RIMS1: variants seen among roughly 807,000 people sequenced by gnomAD.
The protein encoded by RIMS1 is regulating synaptic membrane exocytosis protein 1.
Under a neutral mutation model 214.1 loss-of-function variants are expected in RIMS1, and 83 were observed. The ratio of observed to expected loss-of-function variants is 0.39; its 90% CI spans 0.32 to 0.47. The LOEUF is 0.47. RIMS1 is among the 20% of genes least tolerant of loss of function. The probability of loss-of-function intolerance (pLI) is 0.99; values close to 1 mark genes in which losing one functional copy is unlikely to be tolerated. For synonymous variants in RIMS1, 793 were observed against 786.8 expected (o/e 1.01, Z -0.13); for missense variants, 2,050 against 2,161.8 (o/e 0.95, Z 1.03).
intron 28 of RIMS1, among the ~76,000 whole-genome samples, chr6:72,329,276 C>G (rs911495394): frequency 5.3e-5 from 8 of 151,722 alleles, no homozygotes; most frequent in Non-Finnish European, 1.2e-4. Flanking sequence ...AATTAAAACA[C>G]TAATCACCAG....
intron 4 of RIMS1, among the ~76,000 whole-genome samples, chr6:72,115,711 G>A (rs1261621155): frequency 6.6e-6 from 1 of 151,810 alleles, no homozygotes; most frequent in Non-Finnish European, 1.5e-5. Context: ...TCACTCAACT[G>A]TGGGGTTAAT....
At chr6:72,051,216 C>T (rs1312546148) in intron 2 of RIMS1, among the ~76,000 whole-genome samples, 1 of 152,102 alleles carries the variant, frequency 6.6e-6, no homozygotes, top group Non-Finnish European at 1.5e-5. Context: ...AAGAATAGGA[C>T]CCACTTTGAA....
intron 6 of RIMS1, among the ~76,000 whole-genome samples, chr6:72,196,936 G>T (rs567711933): frequency 1.3e-5 from 2 of 151,976 alleles, no homozygotes; most frequent in Admixed American, 1.3e-4. Flanking sequence ...TGTTCATTCA[G>T]TATTTGTTGA....
At chr6:72,012,127 A>G (rs1408949766) in intron 2 of RIMS1, among the ~76,000 whole-genome samples, 1 of 152,252 alleles carries the variant, frequency 6.6e-6, no homozygotes, top group African/African-American at 2.4e-5. Context: ...TGGCACATAT[A>G]CACCATGGAA....
At chr6:72,256,155 A>AGCAAAGAACTTTTTCTTTGTAAAAT (rs2075764020) in intron 16 of RIMS1, among the ~76,000 whole-genome samples, 1 of 152,140 alleles carries the variant, frequency 6.6e-6, no homozygotes, top group Non-Finnish European at 1.5e-5. Flanking sequence ...AAATGTAAAA[A>AGCAAAGAACTTTTTCTTTGTAAAAT]GCAAAGAACT....
chr6:72,009,200 T>C (rs1318525095), intron 2 of RIMS1, among the ~76,000 whole-genome samples: 2 of 152,172 alleles, frequency 1.3e-5, no homozygotes, highest in Non-Finnish European at 2.9e-5. Flanking sequence ...ACATGGAAAC[T>C]GAACAACCTG....
At chr6:72,193,011 T>C (rs751734222) in intron 6 of RIMS1, among the ~76,000 whole-genome samples, 3 of 152,222 alleles carry the variant, frequency 2.0e-5, no homozygotes, top group Non-Finnish European at 4.4e-5. Context: ...CATCACAATA[T>C]GTATATTCTC....
At chr6:72,170,781 C>A (rs1177987886) in intron 4 of RIMS1, among the ~76,000 whole-genome samples, 2 of 151,960 alleles carry the variant, frequency 1.3e-5, no homozygotes, top group Non-Finnish European at 2.9e-5. Flanking sequence ...TTGTGGAAAT[C>A]AAAAATATGT....
rs1317706183 is a variant in RIMS1, at chr6:72,366,623, G to A, written c.4367-23975G>A. 9 of 857,480 alleles carry A rather than the reference G, an allele frequency of 1.0e-5. No homozygotes were observed. In the East Asian group the frequency reaches 7.3e-4, roughly 70 times the overall value. 53.1% of individuals were successfully genotyped at this position (857,480 alleles called of 1,614,324 possible). ...TCTTACAATAAGCTATAGGAAAGAAGCACTCTTGACAGAAGCAATTTAATT... is the reference window on the plus strand; with the variant it reads ...TCTTACAATAAGCTATAGGAAAGAAACACTCTTGACAGAAGCAATTTAATT... On this transcript the variant is annotated intron_variant, in intron 29 of 33. Coordinates refer to ENST00000521978, the MANE Select transcript of RIMS1 (RefSeq NM_014989.7).
At chr6:72,222,320 A>G (rs2058718774) in intron 6 of RIMS1, among the ~76,000 whole-genome samples, 1 of 152,040 alleles carries the variant, frequency 6.6e-6, no homozygotes, top group Non-Finnish European at 1.5e-5. Context: ...AAAGACATTG[A>G]TTTAAGAATC....
At chr6:72,243,237 T>A (rs1177378802) in intron 10 of RIMS1, among the ~76,000 whole-genome samples, 1 of 151,798 alleles carries the variant, frequency 6.6e-6, no homozygotes, top group Non-Finnish European at 1.5e-5. Context: ...AGGCTTTTTA[T>A]GTTGAAAAAA....
intron 29 of RIMS1, among the ~76,000 whole-genome samples, chr6:72,344,763 T>C (rs2097203835): frequency 6.6e-6 from 1 of 151,760 alleles, no homozygotes; most frequent in Non-Finnish European, 1.5e-5. Flanking sequence ...ACTCATCTTC[T>C]AAAGAGATGC....
intron 2 of RIMS1, among the ~76,000 whole-genome samples, chr6:72,018,276 A>T (rs752492685): frequency 3.9e-5 from 6 of 152,224 alleles, no homozygotes; most frequent in Non-Finnish European, 5.9e-5. Context: ...CAGATAAAAT[A>T]TGGAGTGTAA....
intron 2 of RIMS1, among the ~76,000 whole-genome samples, chr6:72,028,435 T>C (rs1295364304): frequency 1.3e-5 from 2 of 152,212 alleles, no homozygotes; most frequent in African/African-American, 4.8e-5. Flanking sequence ...AAATATATTT[T>C]GCAGTGTGAA....
intron 10 of RIMS1, among the ~76,000 whole-genome samples, chr6:72,243,521 A>G (rs932131264): frequency 5.3e-5 from 8 of 151,782 alleles, no homozygotes; most frequent in African/African-American, 1.7e-4. Flanking sequence ...TACATGACAT[A>G]TGTTCTAGTG....
At chr6:72,227,126 A>G (rs2154067198) in intron 6 of RIMS1, among the ~76,000 whole-genome samples, 1 of 152,182 alleles carries the variant, frequency 6.6e-6, no homozygotes, top group South Asian at 2.1e-4. Context: ...TATAAGTGTT[A>G]TATGAATATG....
At chr6:72,244,321 GT>G (rs1161615147) in intron 10 of RIMS1, among the ~76,000 whole-genome samples, 4 of 151,878 alleles carry the variant, frequency 2.6e-5, no homozygotes, top group Non-Finnish European at 4.4e-5. Context: ...TAAACATCCA[GT>G]GGAAATTTAT....
At chr6:72,318,292 C>T (rs568064928) in intron 28 of RIMS1, among the ~76,000 whole-genome samples, 9 of 152,052 alleles carry the variant, frequency 5.9e-5, no homozygotes, top group Admixed American at 2.6e-4. Context: ...CTTTCCTGAT[C>T]GGTTTTTAAT....
chr6:72,024,900 G>T (rs1294283991), intron 2 of RIMS1, among the ~76,000 whole-genome samples: 3 of 98,666 alleles, frequency 3.0e-5, no homozygotes, highest in African/African-American at 1.1e-4. Flanking sequence ...AAATCTGTGG[G>T]TTTTTTTTTT....
Sources: allele counts gnomAD v4.1 joint callset (sites outside exome capture counted in the v4.1 genomes callset), GRCh38; gene constraint gnomAD v4.1.1; transcripts MANE v1.5; gene names NCBI Gene and HGNC (gene_info 2026-07-23, HGNC 2026-07-21).